Variants in PPP2R3A observed in about 807,000 individuals in gnomAD.
The protein encoded by PPP2R3A is protein phosphatase 2 regulatory subunit B''alpha.
A neutral mutation model predicts 106.9 loss-of-function variants in PPP2R3A; 80 were observed. That is an observed-to-expected ratio of 0.75 (90% confidence interval 0.62 to 0.90). PPP2R3A has a LOEUF of 0.90. PPP2R3A is among the 40% of genes least tolerant of loss of function. The pLI is 0.00. For missense variants in PPP2R3A, 1,386 were observed against 1,350.4 expected, an observed-to-expected ratio of 1.03 and a Z score of -0.41; for synonymous variants, 483 against 468.3, an observed-to-expected ratio of 1.03 and a Z score of -0.41.
intron 1 of PPP2R3A, among the ~76,000 whole-genome samples, chr3:135,972,018 C>G (rs1427493968): frequency 1.3e-5 from 2 of 152,024 alleles, no homozygotes. Context: ...GTGTACAAAT[C>G]AGTTACTTCA....
intron 1 of PPP2R3A, among the ~76,000 whole-genome samples, chr3:135,985,560 A>C (rs1327518381): frequency 6.6e-6 from 1 of 152,160 alleles, no homozygotes; most frequent in African/African-American, 2.4e-5. Flanking sequence ...TTCTGCAGAG[A>C]GTAGTCTTAC....
At chr3:136,034,018 ACTTTTTTTCTTTTT>A (rs1362612662) in intron 3 of PPP2R3A, among the ~76,000 whole-genome samples, 1 of 143,398 alleles carries the variant, frequency 7.0e-6, no homozygotes, top group Non-Finnish European at 1.5e-5. Context: ...GCTCTTTCAG[ACTTTTTTTCTTTTT>A]CTTTTTCTTT....
intron 1 of PPP2R3A, among the ~76,000 whole-genome samples, chr3:135,993,974 G>A (rs946289914): frequency 6.6e-6 from 1 of 152,154 alleles, no homozygotes; most frequent in South Asian, 2.1e-4. Flanking sequence ...ATAATTTTGC[G>A]GTGATAAAAA....
intron 3 of PPP2R3A, among the ~76,000 whole-genome samples, chr3:136,035,045 T>C (rs998973132): frequency 1.3e-5 from 2 of 152,206 alleles, no homozygotes; most frequent in African/African-American, 4.8e-5. Context: ...ACTCCTCACT[T>C]TTGGTGTCCA....
At chr3:135,967,489 C>T (rs1362846845) in intron 1 of PPP2R3A, among the ~76,000 whole-genome samples, 1 of 152,154 alleles carries the variant, frequency 6.6e-6, no homozygotes, top group Admixed American at 6.5e-5. Context: ...CAGCTGAAAC[C>T]AGCTACTCTG....
At chr3:136,041,262 G>GTTTT (rs71157355) in intron 4 of PPP2R3A, among the ~76,000 whole-genome samples, 2 of 96,590 alleles carry the variant, frequency 2.1e-5, no homozygotes, top group African/African-American at 8.7e-5. Context: ...TTTTTTTTTT[G>GTTTT]TTTTTTTTTT....
At chr3:136,092,149 T>C (rs866752666) in intron 10 of PPP2R3A, among the ~76,000 whole-genome samples, 1 of 152,120 alleles carries the variant, frequency 6.6e-6, no homozygotes. Flanking sequence ...GCCAACATGA[T>C]GAAACCCTGT....
chr3:136,141,116 CAAGT>C (rs1479081026), intron 13 of PPP2R3A, among the ~76,000 whole-genome samples: 1 of 152,156 alleles, frequency 6.6e-6, no homozygotes, highest in East Asian at 1.9e-4. Context: ...ACTTTACAAT[CAAGT>C]GAGGAACAGA....
chr3:136,050,985 T>G (rs1252916060), intron 5 of PPP2R3A, among the ~76,000 whole-genome samples: 1 of 152,136 alleles, frequency 6.6e-6, no homozygotes, highest in African/African-American at 2.4e-5. Flanking sequence ...GAGAGAGAGA[T>G]GTCTAACAGA....
intron 9 of PPP2R3A, 55 bp from the exon 10 acceptor site, chr3:136,090,523 A>T: frequency 1.4e-6 from 2 of 1,420,514 alleles, no homozygotes; most frequent in East Asian, 2.3e-5. Context: ...TATCATCCTG[A>T]TAAATGGTTC....
chr3:136,084,761 A>C (rs889049260), intron 8 of PPP2R3A, among the ~76,000 whole-genome samples: 1 of 152,232 alleles, frequency 6.6e-6, no homozygotes, highest in Non-Finnish European at 1.5e-5. Flanking sequence ...TGGATATGAG[A>C]CAGAGTCAAA....
At chr3:136,141,074 G>C (rs1010697053) in intron 13 of PPP2R3A, among the ~76,000 whole-genome samples, 5 of 152,190 alleles carry the variant, frequency 3.3e-5, no homozygotes, top group Admixed American at 3.3e-4. Context: ...CTGTACTATA[G>C]CCCAAGGAAA....
intron 13 of PPP2R3A, among the ~76,000 whole-genome samples, chr3:136,143,767 G>C (rs1938978806): frequency 6.6e-6 from 1 of 152,050 alleles, no homozygotes; most frequent in Admixed American, 6.5e-5. Context: ...CTCCAGCCTG[G>C]GCGACACAGC....
chr3:136,083,074 G>A (rs1936830081), intron 8 of PPP2R3A, among the ~76,000 whole-genome samples: 1 of 152,210 alleles, frequency 6.6e-6, no homozygotes. Flanking sequence ...GAATGCAGAA[G>A]CATGAACACG....
chr3:136,134,361 T>G (rs911830758), intron 13 of PPP2R3A, among the ~76,000 whole-genome samples: 1 of 152,202 alleles, frequency 6.6e-6, no homozygotes, highest in Non-Finnish European at 1.5e-5. Flanking sequence ...GTATCTATTG[T>G]AAATAATCAG....
intron 4 of PPP2R3A, among the ~76,000 whole-genome samples, chr3:136,047,055 T>TA (rs1935494036): frequency 6.6e-6 from 1 of 152,140 alleles, no homozygotes; most frequent in Non-Finnish European, 1.5e-5. Flanking sequence ...AAAAGAATTT[T>TA]AAAAAATGAA....
chr3:136,017,570 T>G (rs2033266031), intron 2 of PPP2R3A, among the ~76,000 whole-genome samples: 1 of 152,224 alleles, frequency 6.6e-6, no homozygotes, highest in Non-Finnish European at 1.5e-5. Context: ...TTAACGTATT[T>G]AGATTTTTCC....
intron 3 of PPP2R3A, among the ~76,000 whole-genome samples, chr3:136,032,048 A>G (rs1033381340): frequency 6.6e-6 from 1 of 151,920 alleles, no homozygotes; most frequent in Non-Finnish European, 1.5e-5. Flanking sequence ...AAAAATGTTG[A>G]TGGTATTTTT....
At chr3:135,978,389 A>G (rs1937478044) in intron 1 of PPP2R3A, among the ~76,000 whole-genome samples, 1 of 151,846 alleles carries the variant, frequency 6.6e-6, no homozygotes, top group Admixed American at 6.5e-5. Flanking sequence ...GTCAATTGAA[A>G]GACCCAATGT....
Sources: gnomAD v4.1 joint callset for allele counts (sites outside exome capture counted in the v4.1 genomes callset) on GRCh38, gnomAD v4.1.1 for gene constraint, MANE v1.5 for transcripts, NCBI Gene and HGNC (gene_info 2026-07-23, HGNC 2026-07-21) for gene names.